The following PDE4D variants were observed in gnomAD, a reference collection of about 807,000 sequenced individuals.
PDE4D encodes 3',5'-cyclic-AMP phosphodiesterase 4D.
PDE4D carries 24 observed loss-of-function variants against 87.4 expected under a neutral mutation model. The observed-to-expected ratio is 0.27, with a 90% confidence interval of 0.20 to 0.39. The LOEUF (loss-of-function observed/expected upper bound fraction) is 0.39. Among genes scored for constraint, PDE4D ranks in the 10% least tolerant of loss-of-function variants. PDE4D has a pLI of 1.00. For missense variants in PDE4D, 714 were observed against 1,041.0 expected, an observed-to-expected ratio of 0.69 and a Z score of 4.32; for synonymous variants, 384 against 383.2, an observed-to-expected ratio of 1.00 and a Z score of -0.02.
intron 3 of PDE4D, among the ~76,000 whole-genome samples, chr5:59,932,031 GA>G (rs1756017443): frequency 6.6e-6 from 1 of 152,170 alleles, no homozygotes; most frequent in East Asian, 1.9e-4. Flanking sequence ...ATGAGTTTTA[GA>G]GAAGACAAAT....
chr5:59,382,638 T>C (rs1337163574), intron 1 of PDE4D, among the ~76,000 whole-genome samples: 2 of 152,162 alleles, frequency 1.3e-5, no homozygotes, highest in South Asian at 2.1e-4. Context: ...ATATGTAATC[T>C]GCTTCATAAG....
chr5:60,415,442 G>A (rs575775289), intron 1 of PDE4D, among the ~76,000 whole-genome samples: 22 of 152,366 alleles, frequency 1.4e-4, no homozygotes, highest in Admixed American at 5.2e-4. Context: ...CTCAGCTTGC[G>A]GGGAGGTGTG....
chr5:59,072,960 C>T (rs889118202), intron 5 of PDE4D, among the ~76,000 whole-genome samples: 8 of 152,056 alleles, frequency 5.3e-5, no homozygotes, highest in South Asian at 2.1e-4. Context: ...GGTCATGAAT[C>T]GCTTAGATGG....
At chr5:59,462,936 A>G (rs986236705) in intron 1 of PDE4D, among the ~76,000 whole-genome samples, 2 of 151,964 alleles carry the variant, frequency 1.3e-5, no homozygotes, top group Non-Finnish European at 2.9e-5. Context: ...TTTTTCTTTT[A>G]TCATTAAGTA....
intron 1 of PDE4D, among the ~76,000 whole-genome samples, chr5:59,562,222 GGACATGCTC>G (rs1235403893): frequency 4.6e-5 from 7 of 151,818 alleles, no homozygotes; most frequent in Non-Finnish European, 1.0e-4. Flanking sequence ...GCCATTCTTT[GGACATGCTC>G]TTAAACGTCC....
chr5:59,926,558 G>A (rs949281445), intron 3 of PDE4D, among the ~76,000 whole-genome samples: 3 of 152,058 alleles, frequency 2.0e-5, no homozygotes, highest in Non-Finnish European at 4.4e-5. Context: ...CAAAGGATCA[G>A]TGAAATAAAA....
chr5:59,098,917 T>C (rs948838107), intron 5 of PDE4D, among the ~76,000 whole-genome samples: 22 of 151,958 alleles, frequency 1.4e-4, no homozygotes, highest in African/African-American at 5.3e-4. Flanking sequence ...ACCAAATCAC[T>C]ACTACACAAA....
intron 1 of PDE4D, among the ~76,000 whole-genome samples, chr5:59,406,306 C>A (rs926189376): frequency 1.3e-5 from 2 of 150,686 alleles, no homozygotes; most frequent in Non-Finnish European, 2.9e-5. Context: ...AATTTATTTG[C>A]ATATAGTTGC....
rs1388488212 is a variant in PDE4D at position 59,271,325 on chromosome 5, T to C, written c.456-55357A>G. Reference sequence around the variant, plus strand: ...AATTGCAGGTATTACAGGAGCAAGCTACGCCGCCTGGCCAAAAATAGAAAA... The same window carrying C: ...AATTGCAGGTATTACAGGAGCAAGCCACGCCGCCTGGCCAAAAATAGAAAA... On this transcript the variant is annotated intron_variant, in intron 1 of 14. Transcript: ENST00000340635. Among the ~76,000 whole-genome samples, 4 of 152,232 alleles carry C rather than the reference T, an allele frequency of 2.6e-5. No homozygotes were observed. In the East Asian group the frequency reaches 7.7e-4, roughly 29 times the overall value.
chr5:59,393,445 C>T (rs940192532), intron 1 of PDE4D, among the ~76,000 whole-genome samples: 1 of 152,162 alleles, frequency 6.6e-6, no homozygotes, highest in African/African-American at 2.4e-5. Context: ...TTCCTCTTCT[C>T]CCCCTCAAAA....
chr5:60,485,860 C>T (rs964216031), intron 1 of PDE4D, among the ~76,000 whole-genome samples: 1 of 152,150 alleles, frequency 6.6e-6, no homozygotes, highest in Non-Finnish European at 1.5e-5. Context: ...TGATGGAAGT[C>T]CCAGAGGAAA....
At chr5:59,190,970 A>C (rs1007698023) in intron 3 of PDE4D, among the ~76,000 whole-genome samples, 1 of 152,208 alleles carries the variant, frequency 6.6e-6, no homozygotes, top group Non-Finnish European at 1.5e-5. Flanking sequence ...CACTCTCTAC[A>C]AGGTGTTATG....
At chr5:59,055,680 C>CT (rs1762230176) in intron 5 of PDE4D, among the ~76,000 whole-genome samples, 1 of 152,166 alleles carries the variant, frequency 6.6e-6, no homozygotes. Flanking sequence ...CTTGAGATAA[C>CT]TGAGAGATTC....
intron 2 of PDE4D, among the ~76,000 whole-genome samples, chr5:60,067,449 C>T (rs772847594): frequency 1.3e-4 from 20 of 152,116 alleles, no homozygotes; most frequent in Admixed American, 5.9e-4. Context: ...AATAAATGAA[C>T]TGTTACCTAT....
At chr5:59,570,585 G>C (rs900591426) in intron 1 of PDE4D, among the ~76,000 whole-genome samples, 1 of 151,522 alleles carries the variant, frequency 6.6e-6, no homozygotes, top group African/African-American at 2.4e-5. Context: ...CAATTCTACT[G>C]ATCAAGAAAT....
chr5:59,949,434 CAAAAA>C (rs59654913), intron 3 of PDE4D, among the ~76,000 whole-genome samples: 1 of 57,594 alleles, frequency 1.7e-5, no homozygotes, highest in African/African-American at 6.1e-5. Context: ...CTCCGTCTCA[CAAAAA>C]AAAAAAAAAA....
At chr5:59,323,278 T>A (rs192406922) in intron 1 of PDE4D, among the ~76,000 whole-genome samples, 1 of 152,262 alleles carries the variant, frequency 6.6e-6, no homozygotes, top group African/African-American at 2.4e-5. Flanking sequence ...AGGCAATTTC[T>A]TCTTTAAGCT....
chr5:58,987,668 A>G (rs1158364298), intron 11 of PDE4D, among the ~76,000 whole-genome samples: 1 of 152,174 alleles, frequency 6.6e-6, no homozygotes, highest in Non-Finnish European at 1.5e-5. Context: ...TCTTAAGCAT[A>G]CAACATTTTC....
intron 2 of PDE4D, among the ~76,000 whole-genome samples, chr5:60,150,333 C>CA (rs1034519913): frequency 6.6e-6 from 1 of 151,860 alleles, no homozygotes; most frequent in Non-Finnish European, 1.5e-5. Context: ...TTACCCCATA[C>CA]AAAATGGCAT....
Sources: gnomAD v4.1 joint callset for allele counts (sites outside exome capture counted in the v4.1 genomes callset) on GRCh38, gnomAD v4.1.1 for gene constraint, MANE v1.5 for transcripts, NCBI Gene and HGNC (gene_info 2026-07-23, HGNC 2026-07-21) for gene names.